FNDC3B: variants seen among roughly 807,000 people sequenced by gnomAD.
FNDC3B encodes the protein fibronectin type III domain-containing protein 3B.
Under a neutral mutation model 151.5 loss-of-function variants are expected in FNDC3B, and 12 were observed. That is an observed-to-expected ratio of 0.08 (90% CI 0.05 to 0.13). FNDC3B has a LOEUF of 0.13. Among genes scored for constraint, FNDC3B ranks in the 10% least tolerant of loss-of-function variants. The pLI, the probability that FNDC3B is intolerant of heterozygous loss-of-function variation, is 1.00. For missense variants in FNDC3B, 1,214 were observed against 1,505.3 expected, an observed-to-expected ratio of 0.81 and a Z score of 3.20; for synonymous variants, 528 against 549.0, an observed-to-expected ratio of 0.96 and a Z score of 0.54.
At chr3:172,280,799 GTTTCT>G (rs1256651778) in intron 6 of FNDC3B, among the ~76,000 whole-genome samples, 1 of 152,078 alleles carries the variant, frequency 6.6e-6, no homozygotes. Flanking sequence ...CTGAACTTAG[GTTTCT>G]TTTTGGAGCA....
chr3:172,095,493 G>A (rs776516247), intron 1 of FNDC3B, among the ~76,000 whole-genome samples: 1 of 152,182 alleles, frequency 6.6e-6, no homozygotes, highest in Non-Finnish European at 1.5e-5. Context: ...AGAGATTGTC[G>A]CAGCCAGTGA....
intron 1 of FNDC3B, among the ~76,000 whole-genome samples, chr3:172,061,552 A>G (rs1717201095): frequency 6.6e-6 from 1 of 152,150 alleles, no homozygotes. Context: ...TAGTAAATTG[A>G]AGTTATGGGT....
At chr3:172,300,560 G>A (rs1469458165) in intron 9 of FNDC3B, among the ~76,000 whole-genome samples, 1 of 151,928 alleles carries the variant, frequency 6.6e-6, no homozygotes, top group African/African-American at 2.4e-5. Flanking sequence ...TTGAACTTCT[G>A]GGCAGATAGA....
intron 3 of FNDC3B, among the ~76,000 whole-genome samples, chr3:172,136,214 G>A (rs1409403043): frequency 2.6e-5 from 4 of 152,190 alleles, no homozygotes; most frequent in Non-Finnish European, 5.9e-5. Flanking sequence ...AGGATTCTGA[G>A]CTGGATAGCA....
chr3:172,386,701 A>G (rs1179443001), intron 25 of FNDC3B, among the ~76,000 whole-genome samples: 1 of 150,800 alleles, frequency 6.6e-6, no homozygotes, highest in Non-Finnish European at 1.5e-5. Context: ...AGATCGTGCC[A>G]CTGCACTCCA....
chr3:172,134,383 T>C (rs994428268), intron 3 of FNDC3B: 8 of 518,518 alleles, frequency 1.5e-5, no homozygotes, highest in Non-Finnish European at 2.7e-5. Context: ...CTGTTTATGA[T>C]AGCTCTTTTT....
At chr3:172,394,046 T>TGCAG (rs1736148403) in intron 25 of FNDC3B, among the ~76,000 whole-genome samples, 1 of 131,486 alleles carries the variant, frequency 7.6e-6, no homozygotes, top group Non-Finnish European at 1.5e-5. Flanking sequence ...AGGCGGAGCT[T>TGCAG]GCAGTGAGCC....
At chr3:172,060,207 A>G (rs957292890) in intron 1 of FNDC3B, among the ~76,000 whole-genome samples, 3 of 152,196 alleles carry the variant, frequency 2.0e-5, no homozygotes, top group African/African-American at 7.2e-5. Flanking sequence ...TCAGTTTTGT[A>G]GTGAACTTTT....
At chr3:172,234,820 T>A (rs934570941) in intron 4 of FNDC3B, among the ~76,000 whole-genome samples, 5 of 152,320 alleles carry the variant, frequency 3.3e-5, no homozygotes, top group Middle Eastern at 3.4e-3. Flanking sequence ...ATAACTTTTT[T>A]AAGAAAAATA....
At chr3:172,313,706 G>A (rs1215144353) in intron 11 of FNDC3B, among the ~76,000 whole-genome samples, 1 of 152,130 alleles carries the variant, frequency 6.6e-6, no homozygotes, top group Non-Finnish European at 1.5e-5. Flanking sequence ...AAATTGTTCT[G>A]TCCAGTAGCT....
At chr3:172,363,115 A>G (rs948797006) in intron 23 of FNDC3B, among the ~76,000 whole-genome samples, 12 of 152,184 alleles carry the variant, frequency 7.9e-5, no homozygotes. Flanking sequence ...GAGAGAAAGT[A>G]TCTAAAGAAA....
rs779274368 is a variant in FNDC3B at position 172,341,208 on chromosome 3, A to C, written c.1948A>C (p.Ile650Leu). Reference protein sequence around the residue: ...GTLYKLRACCISTGGHSQCSE... With the variant: ...GTLYKLRACCLSTGGHSQCSE... Reference sequence around the variant, plus strand: ...TTTGTACAAACTCCGAGCATGCTGCATCAGTACCGGCGGACACAGCCAGGT... The same window carrying C: ...TTTGTACAAACTCCGAGCATGCTGCCTCAGTACCGGCGGACACAGCCAGGT... Residue 650 changes from isoleucine (I) to leucine (L), a missense_variant, in exon 17 of 26, where the codon ATC (isoleucine) becomes CTC (leucine). Coordinates refer to ENST00000415807, the MANE Select transcript of FNDC3B (RefSeq NM_022763.4). 17 of 1,614,114 alleles carry C rather than the reference A, an allele frequency of 1.1e-5. No individual in the cohort carries two copies. The highest frequency in any genetic ancestry group is 1.4e-5 in the Non-Finnish European group (16 of 1,179,930).
chr3:172,288,496 C>T (rs1417254889), intron 7 of FNDC3B, among the ~76,000 whole-genome samples: 1 of 152,220 alleles, frequency 6.6e-6, no homozygotes, highest in Admixed American at 6.5e-5. Context: ...CTTAGATGGG[C>T]ACAGACGTAG....
At chr3:172,388,707 T>A (rs907412933) in intron 25 of FNDC3B, among the ~76,000 whole-genome samples, 3 of 152,200 alleles carry the variant, frequency 2.0e-5, no homozygotes, top group African/African-American at 7.2e-5. Flanking sequence ...CGTGGCCATG[T>A]CTGGACACCA....
At chr3:172,389,320 C>T (rs1156786452) in intron 25 of FNDC3B, among the ~76,000 whole-genome samples, 1 of 152,076 alleles carries the variant, frequency 6.6e-6, no homozygotes, top group Non-Finnish European at 1.5e-5. Context: ...TAATCTGTTA[C>T]TCTAAAAAAA....
At chr3:172,091,873 G>GGTGGGTGTGTGTGT (rs1553760107) in intron 1 of FNDC3B, among the ~76,000 whole-genome samples, 2 of 124,758 alleles carry the variant, frequency 1.6e-5, no homozygotes, top group Non-Finnish European at 3.3e-5. Flanking sequence ...ACTTTACTGG[G>GGTGGGTGTGTGTGT]GTGTGTGTGT....
At chr3:172,049,732 G>T (rs1477749747) in intron 1 of FNDC3B, among the ~76,000 whole-genome samples, 2 of 152,044 alleles carry the variant, frequency 1.3e-5, no homozygotes, top group Non-Finnish European at 2.9e-5. Flanking sequence ...TCTCCATGTT[G>T]GTCAGGCTGG....
rs398052444 is a variant in FNDC3B at position 172,109,164 on chromosome 3, C to CTTTTT, written c.-28-3273_-28-3269dup. Among the ~76,000 whole-genome samples, 100 of 120,052 alleles carry CTTTTT rather than the reference C, an allele frequency of 8.3e-4. 1 individual carries two copies. The highest frequency in any genetic ancestry group is 1.9e-3 in the Admixed American group (22 of 11,642). The allele number at this position is 120,052 out of a possible 152,430, so 78.8% of individuals were successfully genotyped here. A position where few individuals can be genotyped will look rare whatever the true frequency, so the allele number is the denominator to read the frequency against. On this transcript the variant is annotated intron_variant, in intron 1 of 25. Coordinates refer to ENST00000415807, the MANE Select transcript of FNDC3B (RefSeq NM_022763.4). Reference sequence around the variant, plus strand: ...GGGATTACAAAGAAGGCCTTGGATTCTTTTTTTTTTTTTTTTTTTGAGACG... The same window carrying CTTTTT: ...GGGATTACAAAGAAGGCCTTGGATTCTTTTTTTTTTTTTTTTTTTTTTTTGAGACG...
intron 6 of FNDC3B, among the ~76,000 whole-genome samples, chr3:172,285,566 C>T (rs1380192516): frequency 2.6e-5 from 4 of 152,202 alleles, no homozygotes; most frequent in African/African-American, 9.6e-5. Flanking sequence ...GTCTCTTCAA[C>T]CACATCTTAT....
Sources: gnomAD v4.1 joint callset for allele counts (sites outside exome capture counted in the v4.1 genomes callset) on GRCh38, gnomAD v4.1.1 for gene constraint, MANE v1.5 for transcripts, NCBI Gene and HGNC (gene_info 2026-07-23, HGNC 2026-07-21) for gene names.